Variants in RTKN2 observed in about 807,000 individuals in gnomAD.
The protein encoded by RTKN2 is rhotekin-2.
In RTKN2, 69 loss-of-function variants were observed where a neutral mutation model predicts 71.5. The ratio of observed to expected loss-of-function variants is 0.96; its 90% CI spans 0.79 to 1.18. The LOEUF is 1.18. Ranked by LOEUF, RTKN2 falls within the 50% of genes most tolerant of loss-of-function variation. The pLI is 0.00. For synonymous variants in RTKN2, 236 were observed against 236.5 expected (o/e 1.00, Z 0.02); for missense variants, 724 against 719.7 (o/e 1.01, Z -0.07).
chr10:62,226,261 G>A (rs981578570), intron 6 of RTKN2, among the ~76,000 whole-genome samples: 4 of 152,134 alleles, frequency 2.6e-5, no homozygotes, highest in Non-Finnish European at 4.4e-5. Flanking sequence ...TAGGTGTTAT[G>A]TTTCATAAAC....
At chr10:62,265,231 CTA>C (rs1842848396) in intron 1 of RTKN2, among the ~76,000 whole-genome samples, 1 of 152,044 alleles carries the variant, frequency 6.6e-6, no homozygotes, top group Admixed American at 6.5e-5. Flanking sequence ...GGTCAGAAAA[CTA>C]TGGCCTGGCT....
intron 10 of RTKN2, among the ~76,000 whole-genome samples, chr10:62,200,379 A>G (rs532905407): frequency 6.7e-5 from 10 of 150,364 alleles, no homozygotes; most frequent in African/African-American, 1.7e-4. Context: ...AAAAAAAAAA[A>G]AAAAAAAGAA....
intron 7 of RTKN2, among the ~76,000 whole-genome samples, chr10:62,221,449 C>T (rs576291034): frequency 2.0e-5 from 3 of 151,680 alleles, no homozygotes; most frequent in Non-Finnish European, 4.4e-5. Context: ...ATATTAAATA[C>T]GAAAGGACTA....
chr10:62,230,426 C>T (rs1589363341), intron 6 of RTKN2, among the ~76,000 whole-genome samples: 1 of 152,152 alleles, frequency 6.6e-6, no homozygotes, highest in Admixed American at 6.5e-5. Context: ...ATCCACCCAC[C>T]TCGGCCTCCC....
At chr10:62,236,626 C>T (rs1257153771) in intron 5 of RTKN2, among the ~76,000 whole-genome samples, 1 of 152,026 alleles carries the variant, frequency 6.6e-6, no homozygotes, top group East Asian at 1.9e-4. Context: ...GTTATCTGCA[C>T]TCCCCTGTTC....
chr10:62,242,013 C>CT (rs34782333), intron 3 of RTKN2, among the ~76,000 whole-genome samples: 75 of 132,946 alleles, frequency 5.6e-4, no homozygotes, highest in Middle Eastern at 3.8e-3. Flanking sequence ...AATTATTATA[C>CT]TTTTTTTTTT....
intron 7 of RTKN2, among the ~76,000 whole-genome samples, chr10:62,221,142 A>AAC (rs893546093): frequency 5.3e-5 from 8 of 151,690 alleles, no homozygotes; most frequent in African/African-American, 1.9e-4. Context: ...GTACTAAAAA[A>AAC]AAAAAGAATT....
chr10:62,226,344 T>C (rs994493335), intron 6 of RTKN2, among the ~76,000 whole-genome samples: 10 of 152,196 alleles, frequency 6.6e-5, no homozygotes, highest in East Asian at 1.9e-4. Flanking sequence ...TTAGTAAGTA[T>C]GCAATGTATG....
intron 8 of RTKN2, among the ~76,000 whole-genome samples, chr10:62,186,926 C>T (rs1841146165): frequency 6.6e-6 from 1 of 151,940 alleles, no homozygotes; most frequent in African/African-American, 2.4e-5. Context: ...TGATTGCGTC[C>T]CAGGAAGTTT....
downstream of RTKN2, among the ~76,000 whole-genome samples, chr10:62,190,252 T>G (rs901463582): frequency 7.2e-5 from 11 of 152,128 alleles, no homozygotes; most frequent in African/African-American, 2.7e-4. Flanking sequence ...GTCTCAATGC[T>G]TTTTTGCTAT....
chr10:62,237,022 T>C (rs1450436866), intron 5 of RTKN2, among the ~76,000 whole-genome samples: 4 of 151,788 alleles, frequency 2.6e-5, no homozygotes, highest in Non-Finnish European at 5.9e-5. Context: ...ATAGCAGATA[T>C]GTAGGATGAA....
chr10:62,229,384 A>G (rs774873486), intron 6 of RTKN2, among the ~76,000 whole-genome samples: 13 of 152,136 alleles, frequency 8.5e-5, no homozygotes, highest in Non-Finnish European at 1.5e-5. Flanking sequence ...GGACAAGATT[A>G]CTGGTGCAAG....
rs751425928 is a variant in RTKN2 at position 62,268,623 on chromosome 10, C to G, written c.-13G>C. The G allele has an allele frequency of 6.4e-7, 1 of 1,554,300 alleles. No homozygotes were observed. Among genetic ancestry groups the G allele is most frequent in the South Asian group, 1.2e-5 (1 of 84,250 alleles). ...TCGGCCCCTCCATCTCCAACGCGAA[C>G]TGTCCGGGCCGTCGCCACTCCTTCA... On this transcript the variant is annotated 5_prime_UTR_variant, in exon 1 of 12. Coordinates refer to ENST00000373789, the MANE Select transcript of RTKN2 (RefSeq NM_145307.4).
At chr10:62,265,533 T>C (rs573116516) in intron 1 of RTKN2, among the ~76,000 whole-genome samples, 5 of 152,208 alleles carry the variant, frequency 3.3e-5, no homozygotes, top group South Asian at 4.2e-4. Context: ...GCAGGATGAA[T>C]TGTTAAGTGT....
In RTKN2 at chr10:62,196,253, G is replaced by C; in HGVS notation, c.*1655C>G. 4 of 968,886 alleles carry C rather than the reference G, an allele frequency of 4.1e-6. No homozygotes were observed. Among genetic ancestry groups the C allele is most frequent in the Non-Finnish European group, 4.9e-6 (4 of 814,960 alleles). The allele number at this position is 968,886 out of a possible 1,614,324, so 60.0% of individuals were successfully genotyped here. ...TGGCAATCATAACAGAAACTTATGA[G>C]AGCCTTCTAGTTAGAAAAAATAAGT... is the stretch of plus-strand genomic sequence containing the variant. On this transcript the variant is annotated 3_prime_UTR_variant, in exon 12 of 12. Coordinates refer to ENST00000373789, the MANE Select transcript of RTKN2 (RefSeq NM_145307.4).
chr10:62,215,545 T>C (rs1358797969), intron 9 of RTKN2, among the ~76,000 whole-genome samples: 1 of 152,024 alleles, frequency 6.6e-6, no homozygotes, highest in Non-Finnish European at 1.5e-5. Flanking sequence ...GTATCAACAA[T>C]AAACATTTTG....
intron 2 of RTKN2, among the ~76,000 whole-genome samples, chr10:62,256,825 G>GT (rs1157331297): frequency 6.6e-6 from 1 of 151,928 alleles, no homozygotes; most frequent in Non-Finnish European, 1.5e-5. Context: ...TAATTTTTAC[G>GT]TATGTAAATT....
intron 2 of RTKN2, among the ~76,000 whole-genome samples, chr10:62,256,163 C>A (rs887157594): frequency 4.6e-5 from 7 of 151,982 alleles, no homozygotes; most frequent in Admixed American, 3.9e-4. Flanking sequence ...AGATCATAGG[C>A]ACACACCATC....
chr10:62,244,627 A>C (rs1842443839), intron 3 of RTKN2, among the ~76,000 whole-genome samples: 1 of 152,184 alleles, frequency 6.6e-6, no homozygotes, highest in African/African-American at 2.4e-5. Flanking sequence ...AATCTCAAAG[A>C]TCTATAGTAA....
Sources: allele counts gnomAD v4.1 joint callset (sites outside exome capture counted in the v4.1 genomes callset), GRCh38; gene constraint gnomAD v4.1.1; transcripts MANE v1.5; gene names NCBI Gene and HGNC (gene_info 2026-07-23, HGNC 2026-07-21).